The following KATNIP variants were observed in gnomAD, a reference collection of about 807,000 sequenced individuals.
KATNIP encodes the protein katanin interacting protein.
Under a neutral mutation model 174.0 loss-of-function variants are expected in KATNIP, and 126 were observed. The observed-to-expected ratio is 0.72, with a 90% CI of 0.63 to 0.84. KATNIP has a LOEUF of 0.84. KATNIP is among the 40% of genes least tolerant of loss of function. The pLI, the probability that KATNIP is intolerant of heterozygous loss-of-function variation, is 0.00. For synonymous variants in KATNIP, 810 were observed against 835.7 expected, an observed-to-expected ratio of 0.97 and a Z score of 0.53; for missense variants, 1,958 against 2,109.7, an observed-to-expected ratio of 0.93 and a Z score of 1.41.
intron 2 of KATNIP, among the ~76,000 whole-genome samples, chr16:27,588,539 A>G (rs1019825725): frequency 2.0e-5 from 3 of 151,368 alleles, no homozygotes; most frequent in African/African-American, 7.3e-5. Context: ...GCAGTGGTAC[A>G]GTCACAGCTC....
At chr16:27,751,516 A>G (rs2081516759) in intron 16 of KATNIP, among the ~76,000 whole-genome samples, 1 of 152,212 alleles carries the variant, frequency 6.6e-6, no homozygotes, top group African/African-American at 2.4e-5. Flanking sequence ...ATGAAATTAG[A>G]TCCCTTCCTT....
At chr16:27,738,186 CA>C (rs1157347336) in intron 14 of KATNIP, among the ~76,000 whole-genome samples, 3 of 152,148 alleles carry the variant, frequency 2.0e-5, no homozygotes, top group Non-Finnish European at 4.4e-5. Flanking sequence ...AGACTACATG[CA>C]ACATGATTCC....
chr16:27,704,312 G>A (rs1417825082), intron 12 of KATNIP, among the ~76,000 whole-genome samples: 1 of 152,176 alleles, frequency 6.6e-6, no homozygotes, highest in African/African-American at 2.4e-5. Flanking sequence ...CAACCTAAAT[G>A]TCCCATTTGA....
intron 2 of KATNIP, among the ~76,000 whole-genome samples, chr16:27,611,112 C>T (rs774204807): frequency 6.6e-6 from 1 of 152,186 alleles, no homozygotes; most frequent in Admixed American, 6.5e-5. Context: ...CATGGGTGCA[C>T]GTCCTCAACC....
intron 21 of KATNIP, among the ~76,000 whole-genome samples, chr16:27,770,330 G>C (rs892272269): frequency 6.6e-6 from 1 of 152,234 alleles, no homozygotes; most frequent in African/African-American, 2.4e-5. Context: ...CCAGTTTGGG[G>C]AAGGGCCTTC....
intron 8 of KATNIP, among the ~76,000 whole-genome samples, chr16:27,697,940 A>T (rs1450182347): frequency 1.3e-5 from 2 of 152,226 alleles, no homozygotes; most frequent in Non-Finnish European, 2.9e-5. Flanking sequence ...TTTACCCCGA[A>T]CACTGCTATA....
At chr16:27,601,346 G>A (rs1284100380) in intron 2 of KATNIP, among the ~76,000 whole-genome samples, 2 of 152,192 alleles carry the variant, frequency 1.3e-5, no homozygotes, top group Non-Finnish European at 2.9e-5. Context: ...GAGGCAGACA[G>A]GGACAGAGGT....
At chr16:27,727,273 C>T (rs1178173140) in intron 14 of KATNIP, 18 of 193,220 alleles carry the variant, frequency 9.3e-5, no homozygotes, top group Admixed American at 8.5e-4. Context: ...ACTGTAGCCT[C>T]GACCTCCTGG....
At chr16:27,760,520 A>T (rs1429763153) in intron 18 of KATNIP, among the ~76,000 whole-genome samples, 1 of 152,174 alleles carries the variant, frequency 6.6e-6, no homozygotes, top group Non-Finnish European at 1.5e-5. Flanking sequence ...GTATCACCCT[A>T]GGTCACTTCC....
At chr16:27,604,289 A>G (rs1354682342) in intron 2 of KATNIP, among the ~76,000 whole-genome samples, 1 of 152,076 alleles carries the variant, frequency 6.6e-6, no homozygotes, top group African/African-American at 2.4e-5. Flanking sequence ...TAGTAGAGAT[A>G]GAGTCTCACT....
intron 8 of KATNIP, among the ~76,000 whole-genome samples, chr16:27,696,493 C>A (rs1206272436): frequency 6.6e-6 from 1 of 152,146 alleles, no homozygotes; most frequent in East Asian, 1.9e-4. Flanking sequence ...TCTCCTTCCT[C>A]CCACCTTCTG....
Position 27,777,869 on chromosome 16 carries a change from T to A in KATNIP, c.4713-12T>A, listed in dbSNP as rs975004730. On this transcript the variant is annotated splice_polypyrimidine_tract_variant and intron_variant, in intron 26 of 27. Coordinates refer to ENST00000261588, the MANE Select transcript of KATNIP (RefSeq NM_015202.5). This position sits in a 1 kb window ranked among gnomAD's most constrained non-coding sequence, Gnocchi z 4.4. The stretch of plus-strand genomic sequence containing the variant: ...AGCCTGATCGAATCTTGTGTTTCCT[T>A]CCTACCCTCAGTAATCAGGCCGAGG... The A allele has an allele frequency of 1.9e-6, 3 of 1,613,682 alleles. No individual in the cohort carries two copies. In the African/African-American group the frequency reaches 4.0e-5, roughly 22 times the overall value.
chr16:27,713,640 T>TA (rs2079690845), intron 13 of KATNIP, among the ~76,000 whole-genome samples: 1 of 91,324 alleles, frequency 1.1e-5, no homozygotes, highest in Non-Finnish European at 2.6e-5. Flanking sequence ...TGTATTTATA[T>TA]TTATGTGTGT....
intron 5 of KATNIP, among the ~76,000 whole-genome samples, chr16:27,647,900 C>G (rs976795185): frequency 1.3e-5 from 2 of 152,142 alleles, no homozygotes; most frequent in African/African-American, 4.8e-5. Flanking sequence ...ATCCTCCTGC[C>G]TCGGCCTTCC....
rs551427981 is a variant in KATNIP, at chr16:27,716,883, C to T, written c.1606-4675C>T. Among the ~76,000 whole-genome samples the T allele has an allele frequency of 2.2e-4, 33 of 151,924 alleles. 1 individual carries two copies. The East Asian group carries it at 6.0e-3, about 28-fold the overall frequency. On this transcript the variant is annotated intron_variant, in intron 13 of 27. Coordinates refer to ENST00000261588, the MANE Select transcript of KATNIP (RefSeq NM_015202.5). ...TTTTTGAGACGAAGTCTCACACTGT[C>T]GCCCAGGCTGGTGTGCGGTGGGGCG...
At chr16:27,570,739 C>A (rs1005132151) in intron 1 of KATNIP, among the ~76,000 whole-genome samples, 1 of 152,060 alleles carries the variant, frequency 6.6e-6, no homozygotes, top group Non-Finnish European at 1.5e-5. Context: ...AACTCGCCAC[C>A]GTGAAGTCAT....
intron 15 of KATNIP, among the ~76,000 whole-genome samples, chr16:27,749,116 A>G (rs1300940628): frequency 1.3e-5 from 2 of 152,232 alleles, no homozygotes; most frequent in Non-Finnish European, 2.9e-5. Context: ...GCCCCTGGTC[A>G]TGTGAGTTTC....
intron 3 of KATNIP, among the ~76,000 whole-genome samples, chr16:27,619,020 G>T (rs555131098): frequency 6.6e-6 from 1 of 152,214 alleles, no homozygotes; most frequent in South Asian, 2.1e-4. Context: ...TAGCGATCAA[G>T]GTCAAAACAT....
At chr16:27,699,701 C>G in intron 10 of KATNIP, 102 bp downstream of exon 10, 5 of 1,472,656 alleles carry the variant, frequency 3.4e-6, no homozygotes, top group Non-Finnish European at 4.6e-6. Context: ...ATGTGCATAG[C>G]ACCTGATGGC....
Sources: allele counts gnomAD v4.1 joint callset (sites outside exome capture counted in the v4.1 genomes callset), GRCh38; gene constraint gnomAD v4.1.1; non-coding constraint Gnocchi (gnomAD v3.1); transcripts MANE v1.5; gene names NCBI Gene and HGNC (gene_info 2026-07-23, HGNC 2026-07-21).